UGGT2: variants seen among roughly 807,000 people sequenced by gnomAD.
UGGT2 encodes UDP-glucose glycoprotein glucosyltransferase 2, also known as UDP-glucose:glycoprotein glucosyltransferase 2.
In UGGT2, 180 loss-of-function variants were observed where a neutral mutation model predicts 192.1. That is an observed-to-expected ratio of 0.94 (90% CI 0.83 to 1.06). The LOEUF is 1.06. UGGT2 is among the 50% of genes least tolerant of loss of function. UGGT2 has a pLI of 0.00. For missense variants in UGGT2, 1,849 were observed against 1,795.7 expected (o/e 1.03, Z -0.54); for synonymous variants, 580 against 591.0 (o/e 0.98, Z 0.27).
intron 20 of UGGT2, among the ~76,000 whole-genome samples, chr13:95,924,703 C>T (rs1328606998): frequency 6.6e-6 from 1 of 151,992 alleles, no homozygotes; most frequent in East Asian, 1.9e-4. Context: ...TCTCTTTACC[C>T]TTGTTCTGGA....
chr13:96,010,634 C>G (rs919543550), intron 5 of UGGT2, among the ~76,000 whole-genome samples: 8 of 151,944 alleles, frequency 5.3e-5, no homozygotes, highest in African/African-American at 1.9e-4. Context: ...CAAAGGATGT[C>G]TAAATAAATC....
intron 36 of UGGT2, among the ~76,000 whole-genome samples, chr13:95,838,178 T>A (rs1887504992): frequency 6.6e-6 from 1 of 152,130 alleles, no homozygotes; most frequent in Non-Finnish European, 1.5e-5. Flanking sequence ...AAACATAATT[T>A]GAAATTTAAG....
At chr13:95,802,813 TTTTGTTTGTTTG>T (rs146912861) in intron 38 of UGGT2, among the ~76,000 whole-genome samples, 15 of 150,948 alleles carry the variant, frequency 9.9e-5, no homozygotes, top group South Asian at 2.1e-4. Context: ...AGCTATCCTT[TTTTGTTTGTTTG>T]TTTGTTTGTT....
chr13:95,984,560 C>A (rs974676574), intron 9 of UGGT2, among the ~76,000 whole-genome samples: 1 of 152,014 alleles, frequency 6.6e-6, no homozygotes, highest in African/African-American at 2.4e-5. Flanking sequence ...AAACTCCTGG[C>A]CTCAAGTGAC....
At chr13:95,834,329 A>T (rs1403252444) in intron 37 of UGGT2, among the ~76,000 whole-genome samples, 1 of 151,858 alleles carries the variant, frequency 6.6e-6, no homozygotes, top group East Asian at 1.9e-4. Context: ...AAGTCTGGAG[A>T]AAATGTGTGA....
chr13:95,824,226 T>G (rs972397091), intron 38 of UGGT2, among the ~76,000 whole-genome samples: 4 of 148,012 alleles, frequency 2.7e-5, no homozygotes, highest in Non-Finnish European at 6.0e-5. Context: ...CTTAGAATTC[T>G]TTCCTTCTAG....
At chr13:96,048,885 C>A (rs897687484) in intron 1 of UGGT2, among the ~76,000 whole-genome samples, 3 of 152,106 alleles carry the variant, frequency 2.0e-5, no homozygotes, top group Non-Finnish European at 4.4e-5. Flanking sequence ...AGATTCACAG[C>A]CAAATTGTAC....
chr13:95,819,227 T>C (rs1392522316), intron 38 of UGGT2, among the ~76,000 whole-genome samples: 1 of 152,208 alleles, frequency 6.6e-6, no homozygotes, highest in Non-Finnish European at 1.5e-5. Context: ...TAAGCTTCTA[T>C]TACATTTGTC....
chr13:96,037,824 T>C (rs1594623076), intron 1 of UGGT2, among the ~76,000 whole-genome samples: 1 of 152,200 alleles, frequency 6.6e-6, no homozygotes, highest in African/African-American at 2.4e-5. Flanking sequence ...CCTACAATTT[T>C]AAGAGAAACA....
rs144609275 is a variant in UGGT2, at chr13:95,834,121, G to A, written c.4402-1068C>T. On this transcript the variant is annotated intron_variant, in intron 37 of 38. Transcript: ENST00000376747. ...CTTTATAGGCAATGTCTTCTATATA[G>A]TGAAGATAATGGGACTAATTCTTTT... Among the ~76,000 whole-genome samples, 15 of 152,098 alleles carry A rather than the reference G, an allele frequency of 9.9e-5. No individual in the cohort carries two copies. The East Asian group carries it at 2.9e-3, about 29-fold the overall frequency.
chr13:95,911,171 G>T (rs1213237506), intron 20 of UGGT2, among the ~76,000 whole-genome samples: 1 of 152,014 alleles, frequency 6.6e-6, no homozygotes, highest in Non-Finnish European at 1.5e-5. Flanking sequence ...CATCACAACT[G>T]AAAGAACTAG....
intron 38 of UGGT2, among the ~76,000 whole-genome samples, chr13:95,802,285 C>G (rs1884096733): frequency 6.6e-6 from 1 of 152,136 alleles, no homozygotes; most frequent in South Asian, 2.1e-4. Flanking sequence ...AATGCAAGCA[C>G]AATTCTGATG....
intron 1 of UGGT2, among the ~76,000 whole-genome samples, chr13:96,047,811 T>C (rs1237147480): frequency 2.0e-5 from 3 of 152,078 alleles, no homozygotes; most frequent in Non-Finnish European, 2.9e-5. Flanking sequence ...ATGCACCCAA[T>C]ACAGGAGCAA....
chr13:95,878,975 A>G (rs2047418629), intron 27 of UGGT2, among the ~76,000 whole-genome samples: 1 of 152,344 alleles, frequency 6.6e-6, no homozygotes, highest in Non-Finnish European at 1.5e-5. Flanking sequence ...TAAACTTTAT[A>G]TAATTTATTA....
chr13:95,845,562 C>A (rs1888325422), intron 36 of UGGT2, among the ~76,000 whole-genome samples: 1 of 151,610 alleles, frequency 6.6e-6, no homozygotes, highest in Non-Finnish European at 1.5e-5. Context: ...TCTCCTATGT[C>A]TACTTCTTTC....
intron 12 of UGGT2, among the ~76,000 whole-genome samples, chr13:95,966,976 A>G (rs1266580871): frequency 1.3e-5 from 2 of 152,190 alleles, no homozygotes; most frequent in African/African-American, 4.8e-5. Context: ...GTGAATGTAA[A>G]ATTTATAACG....
chr13:95,972,779 T>C lies in UGGT2; in HGVS notation c.1093-108A>G, dbSNP rs74106072. On this transcript the variant is annotated intron_variant, in intron 10 of 38. Transcript: ENST00000376747. ...GAGTCAGAGAGTAAATATTTTAGGT[T>C]TGGCAGGCCATACAGTCTCTGTTGC... The C allele has an allele frequency of 5.4e-3, 4,240 of 782,690 alleles. 119 individuals are homozygous for C. The African/African-American group carries it at 0.066, about 12-fold the overall frequency. The allele number at this position is 782,690 out of a possible 1,614,324, so 48.5% of individuals were successfully genotyped here.
At chr13:95,991,456 A>G (rs941009210) in intron 7 of UGGT2, 17 of 454,812 alleles carry the variant, frequency 3.7e-5, no homozygotes, top group African/African-American at 3.2e-4. Context: ...ACGTATTTTC[A>G]ATAGTCAATA....
intron 17 of UGGT2, among the ~76,000 whole-genome samples, chr13:95,929,460 C>T (rs1003016203): frequency 9.2e-5 from 14 of 152,094 alleles, no homozygotes; most frequent in African/African-American, 3.4e-4. Flanking sequence ...TTCCCTCTCC[C>T]CTCTAGAAAT....
Sources: allele counts gnomAD v4.1 joint callset (sites outside exome capture counted in the v4.1 genomes callset), GRCh38; gene constraint gnomAD v4.1.1; transcripts MANE v1.5; gene names NCBI Gene and HGNC (gene_info 2026-07-23, HGNC 2026-07-21).